DLEU7: variants seen among roughly 807,000 people sequenced by gnomAD.
DLEU7 encodes leukemia-associated protein 7.
In DLEU7, 17 loss-of-function variants were observed where a neutral mutation model predicts 16.0. That is an observed-to-expected ratio of 1.06 (90% confidence interval 0.73 to 1.59). DLEU7 has a LOEUF of 1.59. Among genes scored for constraint, DLEU7 ranks in the 40% most tolerant of loss-of-function variants. The pLI is 0.00. For missense variants in DLEU7, 308 were observed against 314.9 expected, an observed-to-expected ratio of 0.98 and a Z score of 0.17; for synonymous variants, 113 against 139.8, an observed-to-expected ratio of 0.81 and a Z score of 1.35.
At chr13:50,751,780 C>T (rs1378929219) in intron 1 of DLEU7, among the ~76,000 whole-genome samples, 1 of 152,166 alleles carries the variant, frequency 6.6e-6, no homozygotes, top group African/African-American at 2.4e-5. Flanking sequence ...GTTATAATAT[C>T]TCCCATTTCG....
At chr13:50,781,428 A>C (rs537809399) in intron 1 of DLEU7, among the ~76,000 whole-genome samples, 1 of 152,344 alleles carries the variant, frequency 6.6e-6, no homozygotes, top group African/African-American at 2.4e-5. Context: ...CCATCTTAGT[A>C]ACTGTGAAAA....
chr13:50,787,556 A>T (rs184384916), intron 1 of DLEU7, among the ~76,000 whole-genome samples: 4 of 151,982 alleles, frequency 2.6e-5, no homozygotes, highest in Non-Finnish European at 5.9e-5. Flanking sequence ...CCCACTTGCC[A>T]TCCTTGCATC....
At chr13:50,774,677 T>G (rs1301551987) in intron 1 of DLEU7, among the ~76,000 whole-genome samples, 15 of 151,976 alleles carry the variant, frequency 9.9e-5, no homozygotes, top group African/African-American at 7.3e-5. Context: ...ATAGTTGCAA[T>G]TTTTTTTCTT....
At chr13:50,822,838 A>G (rs1279677347), downstream of DLEU7, 2 of 987,076 alleles carry the variant, frequency 2.0e-6, no homozygotes, top group African/African-American at 3.5e-5. Flanking sequence ...GATCGTTCTT[A>G]TAAAAGGAAG....
At chr13:50,774,923 T>C (rs966546386) in intron 1 of DLEU7, among the ~76,000 whole-genome samples, 6 of 152,162 alleles carry the variant, frequency 3.9e-5, no homozygotes, top group Non-Finnish European at 5.9e-5. Flanking sequence ...GTTCTAGGAC[T>C]TGACTCCCAT....
At chr13:50,781,572 C>T (rs546464253) in intron 1 of DLEU7, among the ~76,000 whole-genome samples, 2 of 152,298 alleles carry the variant, frequency 1.3e-5, no homozygotes, top group South Asian at 4.1e-4. Flanking sequence ...ATCACTGCCT[C>T]GTGGATCTTC....
intron 1 of DLEU7, among the ~76,000 whole-genome samples, chr13:50,790,610 A>G (rs191710285): frequency 4.0e-4 from 61 of 152,186 alleles, no homozygotes; most frequent in African/African-American, 1.3e-3. Context: ...GTCTGGGGAA[A>G]GTTTGGAACA....
At chr13:50,747,382 G>C (rs1256632459) in intron 1 of DLEU7, among the ~76,000 whole-genome samples, 1 of 146,748 alleles carries the variant, frequency 6.8e-6, no homozygotes, top group East Asian at 2.0e-4. Flanking sequence ...GACAGAGAGG[G>C]AGAAAGTGGG....
At chr13:50,800,061 T>A (rs568592991) in intron 1 of DLEU7, among the ~76,000 whole-genome samples, 3 of 152,318 alleles carry the variant, frequency 2.0e-5, no homozygotes, top group Admixed American at 2.0e-4. Context: ...AGATGACATT[T>A]GAACTAAGTT....
downstream of DLEU7, chr13:50,822,505 A>C: frequency 2.1e-6 from 1 of 483,096 alleles, no homozygotes; most frequent in Non-Finnish European, 2.7e-6. Context: ...AAAAAAAAAA[A>C]ATCACCTTCT....
chr13:50,711,583 A>T (rs1873284896), downstream of DLEU7: 1 of 152,204 alleles, frequency 6.6e-6, no homozygotes, highest in Admixed American at 6.5e-5. Flanking sequence ...TCTTTACTGC[A>T]TGGTTCTTGG....
At chr13:50,764,582 C>G (rs1875043809) in intron 1 of DLEU7, among the ~76,000 whole-genome samples, 1 of 152,088 alleles carries the variant, frequency 6.6e-6, no homozygotes, top group African/African-American at 2.4e-5. Context: ...ATCTATGAAC[C>G]CCTAATCTTA....
intron 1 of DLEU7, among the ~76,000 whole-genome samples, chr13:50,760,641 C>T (rs796623299): frequency 3.9e-4 from 59 of 152,292 alleles, no homozygotes; most frequent in African/African-American, 1.3e-3. Flanking sequence ...GGATTACAGG[C>T]GTGAGCCACT....
At chr13:50,817,849 T>A (rs1466972300) in intron 1 of DLEU7, among the ~76,000 whole-genome samples, 1 of 152,072 alleles carries the variant, frequency 6.6e-6, no homozygotes, top group Non-Finnish European at 1.5e-5. Context: ...TAAGCTGATC[T>A]GGGAGCTCTT....
At position 50,716,263 on chromosome 13, in the gene DLEU7, G is replaced by A. The variant is rs558059653; in HGVS notation, c.460-3023C>T. On this transcript the variant is annotated intron_variant, in intron 1 of 1. Coordinates refer to the DLEU7 transcript ENST00000400393. The stretch of plus-strand genomic sequence containing the variant: ...CTGATCACCAAGGGCTATCTCAAGA[G>A]AAGGGCCAAACATCTCCATTAACAG... 1.1e-4 allele frequency among the ~76,000 whole-genome samples: 16 copies of A among 152,302 alleles called. No individual in the cohort carries two copies. The East Asian group carries it at 2.3e-3, about 22-fold the overall frequency.
Position 50,812,014 on chromosome 13 carries a change from G to A in DLEU7, c.459+31174C>T, listed in dbSNP as rs1005197777. On this transcript the variant is annotated intron_variant, in intron 1 of 1. Transcript: ENST00000400393. ...GAACCCAGGAGGCAGCAGCTGCAGT[G>A]AGCCAAGATCATACCATTGCACTCC... Among the ~76,000 whole-genome samples the A allele has an allele frequency of 2.8e-5, 4 of 143,130 alleles. No homozygotes were observed. In the East Asian group the frequency reaches 8.4e-4, roughly 30 times the overall value. 93.9% of individuals were successfully genotyped at this position (143,130 alleles called of 152,430 possible).
At chr13:50,777,162 C>G (rs889962699) in intron 1 of DLEU7, among the ~76,000 whole-genome samples, 1 of 152,164 alleles carries the variant, frequency 6.6e-6, no homozygotes, top group Non-Finnish European at 1.5e-5. Flanking sequence ...ATTTAAGTTT[C>G]TAATCACTGA....
chr13:50,734,248 C>A (rs1419188892), intron 1 of DLEU7, among the ~76,000 whole-genome samples: 1 of 152,110 alleles, frequency 6.6e-6, no homozygotes, highest in Non-Finnish European at 1.5e-5. Flanking sequence ...AGAATAAAAG[C>A]AGTGAACTAA....
downstream of DLEU7, chr13:50,711,779 G>GGGGGGCGGGGGGCGGC (rs1555287141): frequency 7.4e-6 from 1 of 135,682 alleles, no homozygotes; most frequent in East Asian, 2.0e-4. Flanking sequence ...TGGCGGGGGC[G>GGGGGGCGGGGGGCGGC]GGGGGCATTA....
Sources: allele counts gnomAD v4.1 joint callset (sites outside exome capture counted in the v4.1 genomes callset), GRCh38; gene constraint gnomAD v4.1.1; transcripts MANE v1.5; gene names NCBI Gene and HGNC (gene_info 2026-07-23, HGNC 2026-07-21).